The following PTPRG variants were observed in gnomAD, a reference collection of about 807,000 sequenced individuals.
PTPRG encodes the protein receptor-type tyrosine-protein phosphatase gamma.
PTPRG carries 102 observed loss-of-function variants against 165.3 expected under a neutral mutation model. The observed-to-expected ratio is 0.62, with a 90% CI of 0.53 to 0.73. The LOEUF (loss-of-function observed/expected upper bound fraction) is 0.73. PTPRG is among the 30% of genes least tolerant of loss of function. PTPRG has a pLI of 0.00. For synonymous variants in PTPRG, 675 were observed against 669.5 expected, an observed-to-expected ratio of 1.01 and a Z score of -0.13; for missense variants, 1,866 against 1,861.4, an observed-to-expected ratio of 1.00 and a Z score of -0.05.
chr3:61,995,687 CCTTCCT>C (rs1559735840), intron 3 of PTPRG, among the ~76,000 whole-genome samples: 4,978 of 88,246 alleles, frequency 0.056, 342 homozygotes, highest in East Asian at 0.08. Context: ...CGCCCGCCTT[CCTTCCT>C]TCCTTCCTTC....
chr3:62,036,362 A>G (rs1699935469), intron 4 of PTPRG, among the ~76,000 whole-genome samples: 1 of 152,208 alleles, frequency 6.6e-6, no homozygotes, highest in Admixed American at 6.5e-5. Context: ...CAAACTGAAA[A>G]TGCATTCCTC....
At chr3:61,981,973 A>G (rs1245070068) in intron 2 of PTPRG, among the ~76,000 whole-genome samples, 1 of 152,190 alleles carries the variant, frequency 6.6e-6, no homozygotes, top group Admixed American at 6.5e-5. Flanking sequence ...GCCAACATGC[A>G]AGGTAAATCT....
intron 4 of PTPRG, among the ~76,000 whole-genome samples, chr3:62,019,149 A>G (rs916610495): frequency 6.6e-6 from 1 of 152,174 alleles, no homozygotes; most frequent in Non-Finnish European, 1.5e-5. Flanking sequence ...GATTTTCTAA[A>G]ATCAAATTCC....
intron 1 of PTPRG, among the ~76,000 whole-genome samples, chr3:61,644,194 A>G (rs56736230): frequency 0.094 from 14,281 of 152,270 alleles, 805 homozygotes; most frequent in East Asian, 0.19. Flanking sequence ...GCTTTGGAAA[A>G]TCATTTTTGG....
chr3:61,976,123 T>G (rs1559723809), intron 2 of PTPRG, among the ~76,000 whole-genome samples: 1 of 152,160 alleles, frequency 6.6e-6, no homozygotes. Context: ...ATGGATGCAT[T>G]TCAGCGAGAT....
In PTPRG at chr3:61,871,429, A is replaced by C. The variant is rs373832114; in HGVS notation, c.191-118196A>C. 3.9e-5 allele frequency among the ~76,000 whole-genome samples: 6 copies of C among 151,988 alleles called. No homozygotes were observed. The East Asian group carries it at 9.7e-4, about 25-fold the overall frequency. The stretch of plus-strand genomic sequence containing the variant: ...TTTTTTTTTGGAGAGATGGGGTCTT[A>C]CTGGTCTCAAGCAATCCTCCCACCT... On this transcript the variant is annotated intron_variant, in intron 2 of 29. Transcript: ENST00000474889.
chr3:61,915,478 C>T (rs913517639), intron 2 of PTPRG, among the ~76,000 whole-genome samples: 4 of 152,056 alleles, frequency 2.6e-5, no homozygotes, highest in South Asian at 2.1e-4. Flanking sequence ...TAGCAAGAGA[C>T]GGTGTCAAGT....
chr3:61,928,445 T>G (rs2039280156), intron 2 of PTPRG, among the ~76,000 whole-genome samples: 1 of 152,178 alleles, frequency 6.6e-6, no homozygotes, highest in Non-Finnish European at 1.5e-5. Flanking sequence ...ACTTTCTACT[T>G]GAAAAATGAA....
Position 61,564,053 on chromosome 3 carries a change from G to C in PTPRG, c.85+1681G>C, listed in dbSNP as rs539481566. ...TCCTGCCTCTACGGTAGGACACTGGGGCCTGGGGTTTGCCCACTGGAGTCC... is the reference window on the plus strand; with the variant it reads ...TCCTGCCTCTACGGTAGGACACTGGCGCCTGGGGTTTGCCCACTGGAGTCC... On this transcript the variant is annotated intron_variant, in intron 1 of 29. Transcript: ENST00000474889. Among the ~76,000 whole-genome samples, 4 of 152,286 alleles carry C rather than the reference G, an allele frequency of 2.6e-5. No homozygotes were observed. In the South Asian group the frequency reaches 8.3e-4, roughly 32 times the overall value.
At chr3:62,108,953 G>A (rs1702570829) in intron 5 of PTPRG, among the ~76,000 whole-genome samples, 1 of 71,146 alleles carries the variant, frequency 1.4e-5, no homozygotes, top group African/African-American at 4.3e-5. Context: ...TTGTCAGATG[G>A]ATAGATTGCA....
chr3:61,591,888 G>T (rs1164185274), intron 1 of PTPRG, among the ~76,000 whole-genome samples: 3 of 152,140 alleles, frequency 2.0e-5, no homozygotes, highest in African/African-American at 7.2e-5. Flanking sequence ...TTTCCCCAAG[G>T]ATCCTTAAGA....
chr3:62,058,535 C>T (rs1278412188), intron 4 of PTPRG, among the ~76,000 whole-genome samples: 2 of 152,058 alleles, frequency 1.3e-5, no homozygotes, highest in Non-Finnish European at 2.9e-5. Flanking sequence ...CTCATACACA[C>T]CTTTTTGTTG....
At chr3:62,123,061 G>A (rs1703137938) in intron 5 of PTPRG, among the ~76,000 whole-genome samples, 1 of 152,180 alleles carries the variant, frequency 6.6e-6, no homozygotes, top group Non-Finnish European at 1.5e-5. Flanking sequence ...TACAAACTCA[G>A]CAGCTTAAAA....
At chr3:61,718,703 G>A (rs2031924033) in intron 1 of PTPRG, among the ~76,000 whole-genome samples, 1 of 152,196 alleles carries the variant, frequency 6.6e-6, no homozygotes, top group African/African-American at 2.4e-5. Context: ...CCAGGGACTT[G>A]AAGTGGCCCA....
At chr3:62,091,520 G>C (rs1252717298) in intron 5 of PTPRG, among the ~76,000 whole-genome samples, 1 of 152,102 alleles carries the variant, frequency 6.6e-6, no homozygotes, top group Non-Finnish European at 1.5e-5. Context: ...AACGTAAAAG[G>C]GCCCTATAAG....
intron 2 of PTPRG, among the ~76,000 whole-genome samples, chr3:61,952,884 C>T (rs1390604330): frequency 6.6e-6 from 1 of 152,176 alleles, no homozygotes; most frequent in Non-Finnish European, 1.5e-5. Flanking sequence ...TGTAGAACAT[C>T]GCTTCAAGTT....
chr3:61,957,270 T>C (rs747735108), intron 2 of PTPRG, among the ~76,000 whole-genome samples: 2 of 152,238 alleles, frequency 1.3e-5, no homozygotes, highest in Non-Finnish European at 2.9e-5. Context: ...TAGTGCGTTG[T>C]AAATATTTAT....
chr3:61,935,684 C>T (rs1306014986), intron 2 of PTPRG, among the ~76,000 whole-genome samples: 2 of 145,120 alleles, frequency 1.4e-5, no homozygotes, highest in African/African-American at 2.7e-5. Context: ...TTCTCGGAGT[C>T]CCTTACCTTT....
intron 4 of PTPRG, among the ~76,000 whole-genome samples, chr3:62,041,446 T>A (rs1700125368): frequency 6.6e-6 from 1 of 152,208 alleles, no homozygotes; most frequent in South Asian, 2.1e-4. Context: ...ACAAGACTTT[T>A]AGTCTGAAAT....
Sources: gnomAD v4.1 joint callset for allele counts (sites outside exome capture counted in the v4.1 genomes callset) on GRCh38, gnomAD v4.1.1 for gene constraint, MANE v1.5 for transcripts, NCBI Gene and HGNC (gene_info 2026-07-23, HGNC 2026-07-21) for gene names.